Variants in TFAP2B observed in about 807,000 individuals in gnomAD.
The protein encoded by TFAP2B is transcription factor AP-2-beta.
A neutral mutation model predicts 44.3 loss-of-function variants in TFAP2B; 9 were observed. The ratio of observed to expected loss-of-function variants is 0.20; its 90% confidence interval spans 0.12 to 0.35. TFAP2B has a LOEUF of 0.35. TFAP2B is among the 10% of genes least tolerant of loss of function. The pLI is 1.00. For missense variants in TFAP2B, 509 were observed against 600.0 expected (o/e 0.85, Z 1.59); for synonymous variants, 270 against 263.8 (o/e 1.02, Z -0.23).
intron 3 of TFAP2B, among the ~76,000 whole-genome samples, chr6:50,831,330 C>T (rs779797201): frequency 3.3e-5 from 5 of 152,144 alleles, no homozygotes; most frequent in Non-Finnish European, 5.9e-5. Flanking sequence ...AGCTCGTTTA[C>T]GGCTAATTTT....
At chr6:50,830,574 C>T (rs1474750442) in intron 3 of TFAP2B, among the ~76,000 whole-genome samples, 1 of 152,166 alleles carries the variant, frequency 6.6e-6, no homozygotes, top group Non-Finnish European at 1.5e-5. Context: ...ATCCCAGTTA[C>T]TTTAATTGAT....
chr6:50,820,377 C>T (rs970405887), intron 1 of TFAP2B, among the ~76,000 whole-genome samples: 1 of 147,868 alleles, frequency 6.8e-6, no homozygotes, highest in African/African-American at 2.5e-5. Flanking sequence ...CAGCGCCTGG[C>T]GCCCACACCT....
rs1762826962 is a variant in TFAP2B at position 50,845,463 on chromosome 6, G to T, written c.*2071G>T. The T allele has an allele frequency of 6.6e-6, 1 of 152,370 alleles. No individual in the cohort carries two copies. The highest frequency in any genetic ancestry group is 1.5e-5 in the Non-Finnish European group (1 of 68,154). The allele number at this position is 152,370 out of a possible 1,614,324, so 9.4% of individuals were successfully genotyped here. On this transcript the variant is annotated 3_prime_UTR_variant, in exon 7 of 7. Coordinates refer to ENST00000393655, the MANE Select transcript of TFAP2B (RefSeq NM_003221.4). ...AAGCAACTGTTAGGGCCACACTGCAGCCCATCTCCAACCCCTAGCTTCGTT... is the reference window on the plus strand; with the variant it reads ...AAGCAACTGTTAGGGCCACACTGCATCCCATCTCCAACCCCTAGCTTCGTT...
At chr6:50,826,858 T>C (rs1770523477) in intron 2 of TFAP2B, among the ~76,000 whole-genome samples, 1 of 152,152 alleles carries the variant, frequency 6.6e-6, no homozygotes, top group Non-Finnish European at 1.5e-5. Context: ...CAACCCCTGG[T>C]ATCACTTTTA....
chr6:50,842,259 A>G lies in TFAP2B; in HGVS notation c.1083-833A>G, dbSNP rs1038953654. Among the ~76,000 whole-genome samples the G allele has an allele frequency of 2.0e-5, 3 of 152,208 alleles. No homozygotes were observed. In the East Asian group the frequency reaches 5.8e-4, roughly 29 times the overall value. On this transcript the variant is annotated intron_variant, in intron 6 of 6. Transcript: ENST00000393655. ...CATCCCATCCAGCTCCTATATTAAA[A>G]TTTCTCAAATAAGCTCAATCCATAG...
Position 50,818,975 on chromosome 6 carries a change from G to C in TFAP2B, c.81+3G>C. 1 of 1,613,960 alleles carries C rather than the reference G, an allele frequency of 6.2e-7. No individual in the cohort carries two copies. Among genetic ancestry groups the C allele is most frequent in the Non-Finnish European group, 8.5e-7 (1 of 1,179,880 alleles). ...TCAAGTACGAAGATATCTATGAGGTGAGTCGACACCCCCAGATGCACCTTA... is the reference window on the plus strand; with the variant it reads ...TCAAGTACGAAGATATCTATGAGGTCAGTCGACACCCCCAGATGCACCTTA... On this transcript the variant is annotated splice_donor_region_variant and intron_variant, in intron 1 of 6. Coordinates refer to ENST00000393655, the MANE Select transcript of TFAP2B (RefSeq NM_003221.4).
intron 3 of TFAP2B, chr6:50,830,366 G>T (rs1770640863): frequency 1.1e-6 from 1 of 939,268 alleles, no homozygotes; most frequent in South Asian, 4.9e-5. Flanking sequence ...CTTAGATGTG[G>T]GATGCTTTGG....
chr6:50,823,598 C>A lies in TFAP2B; in HGVS notation c.273C>A (p.Asp91Glu), dbSNP rs543792010. Residue 91 changes from aspartate to glutamate, a missense_variant, in exon 2 of 7, where the codon GAC becomes GAA. Transcript: ENST00000393655. ...AGGACCCCTACTCCCACGTCAACGA[C>A]CCCTACTCCCTGAACCCACTGCACC... The part of the protein sequence containing the change: ...QSQDPYSHVN[D>E]PYSLNPLHQP... The A allele has an allele frequency of 1.2e-6, 2 of 1,614,114 alleles. No individual in the cohort carries two copies. The highest frequency in any genetic ancestry group is 3.3e-5 in the Admixed American group (2 of 60,024).
intron 5 of TFAP2B, 135 bp downstream of exon 5, chr6:50,838,228 T>C: frequency 1.2e-6 from 1 of 836,606 alleles, no homozygotes; most frequent in Non-Finnish European, 2.1e-6. Context: ...GTCAAGCGGC[T>C]TCTTGAGAGA....
chr6:50,822,110 C>T (rs1354620033), intron 1 of TFAP2B: 12 of 1,301,848 alleles, frequency 9.2e-6, no homozygotes. Context: ...TGATTTTGAG[C>T]AGTAACCAGG....
intron 3 of TFAP2B, among the ~76,000 whole-genome samples, chr6:50,831,551 G>A (rs1389000425): frequency 1.3e-5 from 2 of 152,054 alleles, no homozygotes; most frequent in African/African-American, 4.8e-5. Context: ...TGGTCAATGA[G>A]CAATCAATAA....
At chr6:50,831,106 C>T (rs944828554) in intron 3 of TFAP2B, among the ~76,000 whole-genome samples, 2 of 152,124 alleles carry the variant, frequency 1.3e-5, no homozygotes, top group Non-Finnish European at 2.9e-5. Flanking sequence ...GGTAAGGCCC[C>T]TTCTAAAATT....
intron 3 of TFAP2B, among the ~76,000 whole-genome samples, chr6:50,835,391 T>G (rs554068662): frequency 1.8e-4 from 28 of 152,336 alleles, no homozygotes; most frequent in African/African-American, 6.7e-4. Flanking sequence ...CCTTTCTAAA[T>G]GAATCTGTTG....
At chr6:50,828,554 A>G (rs149958306) in intron 2 of TFAP2B, 65 bp from the exon 3 acceptor site, 791 of 1,432,562 alleles carry the variant, frequency 5.5e-4, no homozygotes, top group Non-Finnish European at 7.2e-4. Context: ...TTGGAATAAC[A>G]TGATTTATGT....
intron 6 of TFAP2B, among the ~76,000 whole-genome samples, chr6:50,841,281 A>T (rs368918068): frequency 1.3e-5 from 2 of 152,166 alleles, no homozygotes. Flanking sequence ...AACTTAAGGA[A>T]AGACTTTACC....
rs1363003885 is a variant in TFAP2B at position 50,844,408 on chromosome 6, T to C, written c.*1016T>C. The stretch of plus-strand genomic sequence containing the variant: ...TTTCCAAAGCTTTGCCCGCATGGTT[T>C]ATGAGCTTCTTCAAAGAGGACTTGG... On this transcript the variant is annotated 3_prime_UTR_variant, in exon 7 of 7. Transcript: ENST00000393655. The C allele has an allele frequency of 6.6e-6, 1 of 152,670 alleles. No individual in the cohort carries two copies. The highest frequency in any genetic ancestry group is 2.4e-5 in the African/African-American group (1 of 41,438). 9.5% of individuals were successfully genotyped at this position (152,670 alleles called of 1,614,324 possible). A position where few individuals can be genotyped will look rare whatever the true frequency, so the allele number is the denominator to read the frequency against.
Position 50,843,550 on chromosome 6 carries a change from T to TAA in TFAP2B, c.*166_*167dup, listed in dbSNP as rs375026920. The TAA allele has an allele frequency of 2.4e-6, 2 of 819,502 alleles. No individual in the cohort carries two copies. The highest frequency in any genetic ancestry group is 3.7e-6 in the Non-Finnish European group (2 of 544,486). The allele number at this position is 819,502 out of a possible 1,614,324, so 50.8% of individuals were successfully genotyped here. On this transcript the variant is annotated 3_prime_UTR_variant, in exon 7 of 7. Coordinates refer to ENST00000393655, the MANE Select transcript of TFAP2B (RefSeq NM_003221.4). ...TTTTAAAAAAAAAAGCTAAATAACT[T>TAA]AAAAAAAAACTGAGGCGTACAACGG...
chr6:50,841,655 T>C (rs1266189205), intron 6 of TFAP2B, among the ~76,000 whole-genome samples: 1 of 152,126 alleles, frequency 6.6e-6, no homozygotes, highest in African/African-American at 2.4e-5. Flanking sequence ...AAGATATTTC[T>C]GTATGGGGCT....
chr6:50,836,676 C>A (rs567787230), intron 4 of TFAP2B, among the ~76,000 whole-genome samples: 18 of 150,438 alleles, frequency 1.2e-4, no homozygotes, highest in South Asian at 1.1e-3. Flanking sequence ...CCACAAAAAA[C>A]CCCATAAGTT....
Sources: gnomAD v4.1 joint callset for allele counts (sites outside exome capture counted in the v4.1 genomes callset) on GRCh38, gnomAD v4.1.1 for gene constraint, MANE v1.5 for transcripts, NCBI Gene and HGNC (gene_info 2026-07-23, HGNC 2026-07-21) for gene names.